CLASP1: variants seen among roughly 807,000 people sequenced by gnomAD.
CLASP1 encodes CLIP-associating protein 1.
In CLASP1, 38 loss-of-function variants were observed where a neutral mutation model predicts 192.3. That is an observed-to-expected ratio of 0.20 (90% CI 0.15 to 0.26). CLASP1 has a LOEUF of 0.26. Ranked by LOEUF, CLASP1 falls within the 10% of genes least tolerant of loss-of-function variation. The pLI is 1.00. For missense variants in CLASP1, 1,433 were observed against 1,932.5 expected, an observed-to-expected ratio of 0.74 and a Z score of 4.85; for synonymous variants, 691 against 712.8, an observed-to-expected ratio of 0.97 and a Z score of 0.49.
At chr2:121,644,398 C>G (rs1369551233) in intron 1 of CLASP1, among the ~76,000 whole-genome samples, 1 of 151,810 alleles carries the variant, frequency 6.6e-6, no homozygotes, top group Non-Finnish European at 1.5e-5. Flanking sequence ...ACCTGCAATC[C>G]CAGCACTTTG....
intron 19 of CLASP1, among the ~76,000 whole-genome samples, chr2:121,439,663 A>T (rs2082931997): frequency 6.6e-6 from 1 of 152,056 alleles, no homozygotes; most frequent in African/African-American, 2.4e-5. Flanking sequence ...TATTCACAAT[A>T]GCAAAGACTT....
At chr2:121,489,547 A>G (rs1034201011) in intron 8 of CLASP1, among the ~76,000 whole-genome samples, 2 of 152,204 alleles carry the variant, frequency 1.3e-5, no homozygotes, top group Non-Finnish European at 2.9e-5. Flanking sequence ...TCTGCCAGCA[A>G]AACCACTAGG....
intron 8 of CLASP1, among the ~76,000 whole-genome samples, chr2:121,499,047 T>C (rs2093642301): frequency 6.6e-6 from 1 of 152,178 alleles, no homozygotes; most frequent in African/African-American, 2.4e-5. Flanking sequence ...AAGTTAAAGG[T>C]ACAACCCAGC....
At chr2:121,351,791 C>A (rs79681129) in intron 37 of CLASP1, among the ~76,000 whole-genome samples, 87 of 152,310 alleles carry the variant, frequency 5.7e-4, no homozygotes, top group Non-Finnish European at 1.0e-3. Flanking sequence ...ACCCAAGATT[C>A]GCCTGTGCTC....
At chr2:121,587,339 C>A (rs149211241) in intron 2 of CLASP1, among the ~76,000 whole-genome samples, 25 of 152,300 alleles carry the variant, frequency 1.6e-4, no homozygotes, top group Non-Finnish European at 3.7e-4. Flanking sequence ...CTTAGAACAT[C>A]CCCCTGCCTG....
chr2:121,562,991 C>T (rs999978937), intron 2 of CLASP1, among the ~76,000 whole-genome samples: 1 of 152,136 alleles, frequency 6.6e-6, no homozygotes, highest in Non-Finnish European at 1.5e-5. Flanking sequence ...CTGACACTTC[C>T]CCAGAGGCAC....
At chr2:121,570,150 A>G (rs372627426) in intron 2 of CLASP1, among the ~76,000 whole-genome samples, 2 of 152,230 alleles carry the variant, frequency 1.3e-5, no homozygotes, top group East Asian at 1.9e-4. Context: ...GGCCTCTAGC[A>G]TATCAGTCTG....
intron 30 of CLASP1, among the ~76,000 whole-genome samples, chr2:121,388,978 A>T (rs116376554): frequency 0.017 from 2,553 of 152,350 alleles, 77 homozygotes; most frequent in African/African-American, 0.058. Flanking sequence ...GGAAATAAAC[A>T]TCACAAAATA....
chr2:121,601,237 G>A (rs1363731861), intron 2 of CLASP1, among the ~76,000 whole-genome samples: 2 of 151,784 alleles, frequency 1.3e-5, no homozygotes, highest in Non-Finnish European at 2.9e-5. Flanking sequence ...AACAACCATG[G>A]CTAACATCTG....
intron 2 of CLASP1, among the ~76,000 whole-genome samples, chr2:121,599,587 CAA>C (rs763909303): frequency 0.081 from 3,313 of 40,904 alleles, 26 homozygotes; most frequent in East Asian, 0.18. Flanking sequence ...GACTCCATCT[CAA>C]AAAAAAAAAA....
chr2:121,544,851 C>A (rs2095299236), intron 2 of CLASP1, among the ~76,000 whole-genome samples: 1 of 151,860 alleles, frequency 6.6e-6, no homozygotes, highest in Admixed American at 6.6e-5. Flanking sequence ...AAAAGGGATT[C>A]TCAGAATGAT....
At chr2:121,567,905 T>A (rs541445451) in intron 2 of CLASP1, among the ~76,000 whole-genome samples, 60 of 152,336 alleles carry the variant, frequency 3.9e-4, no homozygotes, top group African/African-American at 1.4e-3. Context: ...AGTCTCTTTC[T>A]TTATGTGACT....
At chr2:121,571,691 G>A (rs530491871) in intron 2 of CLASP1, among the ~76,000 whole-genome samples, 16 of 152,290 alleles carry the variant, frequency 1.1e-4, no homozygotes, top group African/African-American at 3.9e-4. Context: ...ATGAAAAGAA[G>A]TTTCACAAGG....
chr2:121,547,419 ACCC>A (rs988518602), intron 2 of CLASP1, among the ~76,000 whole-genome samples: 1 of 151,412 alleles, frequency 6.6e-6, no homozygotes, highest in Non-Finnish European at 1.5e-5. Context: ...CAGGCAGGGA[ACCC>A]CCAGCTTGGG....
chr2:121,478,665 C>CA (rs1559365421), intron 8 of CLASP1, among the ~76,000 whole-genome samples: 2 of 95,628 alleles, frequency 2.1e-5, no homozygotes, highest in African/African-American at 7.4e-5. Context: ...CACACACCCC[C>CA]CACACACACC....
At chr2:121,400,155 G>C (rs536832408) in intron 28 of CLASP1, among the ~76,000 whole-genome samples, 1 of 152,216 alleles carries the variant, frequency 6.6e-6, no homozygotes, top group East Asian at 1.9e-4. Context: ...GCAAAGGAAT[G>C]ACGAAGTTTG....
chr2:121,349,008 A>C (rs2063843840), intron 37 of CLASP1, among the ~76,000 whole-genome samples: 1 of 152,072 alleles, frequency 6.6e-6, no homozygotes, highest in African/African-American at 2.4e-5. Context: ...TGGGAGGCCG[A>C]GGTGGGCGGA....
chr2:121,434,653 T>C (rs1327979026), intron 19 of CLASP1, among the ~76,000 whole-genome samples: 1 of 152,224 alleles, frequency 6.6e-6, no homozygotes, highest in East Asian at 1.9e-4. Context: ...TGTATTTCAA[T>C]TGACATTTTT....
At chr2:121,547,195 C>T (rs2057529571) in intron 2 of CLASP1, among the ~76,000 whole-genome samples, 1 of 152,192 alleles carries the variant, frequency 6.6e-6, no homozygotes, top group African/African-American at 2.4e-5. Context: ...CACCCCCTTA[C>T]CAGAGCTATC....
Sources: allele counts gnomAD v4.1 joint callset (sites outside exome capture counted in the v4.1 genomes callset), GRCh38; gene constraint gnomAD v4.1.1; transcripts MANE v1.5; gene names NCBI Gene and HGNC (gene_info 2026-07-23, HGNC 2026-07-21).